The following TMEM117 variants were observed in gnomAD, a reference collection of about 807,000 sequenced individuals.
TMEM117 encodes transmembrane protein 117.
A neutral mutation model predicts 52.4 loss-of-function variants in TMEM117; 27 were observed. That is an observed-to-expected ratio of 0.51 (90% CI 0.38 to 0.71). The LOEUF is 0.71. TMEM117 is among the 30% of genes least tolerant of loss of function. The pLI, the probability that TMEM117 is intolerant of heterozygous loss-of-function variation, is 0.00. For synonymous variants in TMEM117, 215 were observed against 206.3 expected, an observed-to-expected ratio of 1.04 and a Z score of -0.36; for missense variants, 556 against 630.5, an observed-to-expected ratio of 0.88 and a Z score of 1.26.
the TMEM117 span, among the ~76,000 whole-genome samples, chr12:43,823,381 T>C: frequency 6.6e-6 from 1 of 152,204 alleles, no homozygotes. Context: ...CTTTCCATTA[T>C]ACTATACATT....
At chr12:44,256,299 T>C (rs2138527155) in intron 5 of TMEM117, among the ~76,000 whole-genome samples, 1 of 152,082 alleles carries the variant, frequency 6.6e-6, no homozygotes, top group South Asian at 2.1e-4. Context: ...TGCTTTTTTA[T>C]TGCATTGGTC....
chr12:44,290,792 C>A (rs766858299), intron 5 of TMEM117, among the ~76,000 whole-genome samples: 2 of 152,082 alleles, frequency 1.3e-5, no homozygotes, highest in Non-Finnish European at 2.9e-5. Context: ...CATGCACCAT[C>A]AGCCCCAGCT....
the TMEM117 span, chr12:43,798,463 A>G: frequency 1.2e-5 from 14 of 1,173,840 alleles, no homozygotes; most frequent in African/African-American, 2.2e-4. Context: ...GTTGCAACAG[A>G]AAGTCCAATA....
intron 5 of TMEM117, among the ~76,000 whole-genome samples, chr12:44,272,589 A>G (rs1356069106): frequency 1.3e-5 from 2 of 152,240 alleles, no homozygotes; most frequent in African/African-American, 4.8e-5. Flanking sequence ...TCAAAAGAAG[A>G]CATTTATGCA....
At position 43,891,367 on chromosome 12, in the gene TMEM117, A is replaced by ATTTTTTTTTTTTTTTTTTTTTTTT. The variant is rs772754829; in HGVS notation, c.277+46462_277+46463insTTTTTTTTTTTTTTTTTTTTTTTT. ...ATTTCTTTTGGGAAATACCTCTTGA[A>ATTTTTTTTTTTTTTTTTTTTTTTT]TTTTTTTTTTTTTTTTTTTTTTTGA... On this transcript the variant is annotated intron_variant, in intron 2 of 7. Transcript: ENST00000266534. Among the ~76,000 whole-genome samples, 4 of 57,796 alleles carry ATTTTTTTTTTTTTTTTTTTTTTTT rather than the reference A, an allele frequency of 6.9e-5. 1 individual carries two copies. Among genetic ancestry groups the ATTTTTTTTTTTTTTTTTTTTTTTT allele is most frequent in the Non-Finnish European group, 1.3e-4 (4 of 31,912 alleles). 37.9% of individuals were successfully genotyped at this position (57,796 alleles called of 152,430 possible).
chr12:43,951,062 G>A (rs956002058), intron 3 of TMEM117, among the ~76,000 whole-genome samples: 4 of 152,162 alleles, frequency 2.6e-5, no homozygotes, highest in African/African-American at 9.7e-5. Context: ...GAGGAGTGGG[G>A]GGACCTCCCT....
Position 43,992,565 on chromosome 12 carries a change from C to T in TMEM117, c.410+48223C>T, listed in dbSNP as rs550157124. On this transcript the variant is annotated intron_variant, in intron 3 of 7. Transcript: ENST00000266534. ...AAGTGTTGGGATTATAGGCATAAGC[C>T]ACCATGCCCAACCTGACTGCTTCTT... is the stretch of plus-strand genomic sequence containing the variant. 1.7e-4 allele frequency among the ~76,000 whole-genome samples: 26 copies of T among 152,330 alleles called. 1 individual carries two copies. The South Asian group carries it at 5.2e-3, about 30-fold the overall frequency.
Position 44,192,840 on chromosome 12 carries a change from T to C in TMEM117, c.511-18450T>C, listed in dbSNP as rs1302482895. ...GCTGTCTGGTTATATTTTCCTGTTC[T>C]ATAAAATTGGGAACATAGTAATGCC... is the stretch of plus-strand genomic sequence containing the variant. On this transcript the variant is annotated intron_variant, in intron 4 of 7. Coordinates refer to ENST00000266534, the MANE Select transcript of TMEM117 (RefSeq NM_032256.3). 6.6e-5 allele frequency among the ~76,000 whole-genome samples: 10 copies of C among 152,314 alleles called. No homozygotes were observed. In the South Asian group the frequency reaches 1.4e-3, roughly 22 times the overall value.
the TMEM117 span, among the ~76,000 whole-genome samples, chr12:43,796,553 G>C: frequency 6.6e-6 from 1 of 152,094 alleles, no homozygotes; most frequent in Non-Finnish European, 1.5e-5. Flanking sequence ...TCATAATGGA[G>C]ACTGTAATTC....
chr12:43,842,895 G>T (rs1450475809), intron 1 of TMEM117, among the ~76,000 whole-genome samples: 1 of 152,134 alleles, frequency 6.6e-6, no homozygotes, highest in African/African-American at 2.4e-5. Context: ...AGGCAAGGAA[G>T]GTGCAAGGAG....
intron 6 of TMEM117, among the ~76,000 whole-genome samples, chr12:44,301,403 A>T (rs1049057364): frequency 6.6e-6 from 1 of 152,012 alleles, no homozygotes; most frequent in Non-Finnish European, 1.5e-5. Context: ...AAAAAATATC[A>T]TAACAATGTA....
chr12:44,086,637 A>G (rs1408774903), intron 3 of TMEM117, among the ~76,000 whole-genome samples: 3 of 152,018 alleles, frequency 2.0e-5, no homozygotes, highest in Non-Finnish European at 2.9e-5. Context: ...TTGCTTTCTC[A>G]GTTTCTGGCT....
At chr12:43,912,816 C>A (rs1398189223) in intron 2 of TMEM117, among the ~76,000 whole-genome samples, 1 of 151,812 alleles carries the variant, frequency 6.6e-6, no homozygotes, top group African/African-American at 2.4e-5. Flanking sequence ...TAGTTATATT[C>A]ATTTTATCCA....
chr12:44,028,166 C>T (rs1464291667), intron 3 of TMEM117, among the ~76,000 whole-genome samples: 1 of 152,152 alleles, frequency 6.6e-6, no homozygotes. Flanking sequence ...GCACTCCAGC[C>T]TGGGTGACAG....
intron 3 of TMEM117, among the ~76,000 whole-genome samples, chr12:44,037,308 C>T (rs1005023903): frequency 1.3e-5 from 2 of 152,204 alleles, no homozygotes; most frequent in African/African-American, 4.8e-5. Context: ...AGCCCCCCTT[C>T]CCTGCAGCTT....
intron 4 of TMEM117, among the ~76,000 whole-genome samples, chr12:44,177,089 A>G (rs1390961660): frequency 6.6e-6 from 1 of 152,150 alleles, no homozygotes; most frequent in South Asian, 2.1e-4. Flanking sequence ...ACAAACCATT[A>G]AAGAAATATA....
At chr12:43,833,089 C>T (rs572926205), upstream of TMEM117, among the ~76,000 whole-genome samples, 1 of 152,288 alleles carries the variant, frequency 6.6e-6, no homozygotes, top group African/African-American at 2.4e-5. Flanking sequence ...TTGCCCATTT[C>T]AGTATTTTGC....
Position 44,110,316 on chromosome 12 carries a change from C to A in TMEM117, c.411-33209C>A, listed in dbSNP as rs1226175295. 2.8e-5 allele frequency among the ~76,000 whole-genome samples: 4 copies of A among 144,916 alleles called. No individual in the cohort carries two copies. The Admixed American group carries it at 2.8e-4, about 10-fold the overall frequency. On this transcript the variant is annotated intron_variant, in intron 3 of 7. Coordinates refer to ENST00000266534, the MANE Select transcript of TMEM117 (RefSeq NM_032256.3). ...AAAGGGAATGCTTCCAGTTTTTGCC[C>A]ATTCAGTATGATATTGGCTGTGGGT...
chr12:44,140,020 GAATA>G (rs1948548997), intron 3 of TMEM117, among the ~76,000 whole-genome samples: 1 of 152,006 alleles, frequency 6.6e-6, no homozygotes, highest in African/African-American at 2.4e-5. Context: ...GCAAAAATAA[GAATA>G]ATTACTGAAT....
Sources: allele counts gnomAD v4.1 joint callset (sites outside exome capture counted in the v4.1 genomes callset), GRCh38; gene constraint gnomAD v4.1.1; transcripts MANE v1.5; gene names NCBI Gene and HGNC (gene_info 2026-07-23, HGNC 2026-07-21).